FUT9: variants seen among roughly 807,000 people sequenced by gnomAD.
The protein encoded by FUT9 is fucosyltransferase 9.
Under a neutral mutation model 29.7 loss-of-function variants are expected in FUT9, and 15 were observed. That is an observed-to-expected ratio of 0.51 (90% confidence interval 0.34 to 0.78). The LOEUF (loss-of-function observed/expected upper bound fraction) is 0.78, where lower values mean the gene tolerates loss of function less well. FUT9 is among the 30% of genes least tolerant of loss of function. The pLI is 0.01. For missense variants in FUT9, 319 were observed against 425.4 expected (o/e 0.75, Z 2.20); for synonymous variants, 169 against 153.7 (o/e 1.10, Z -0.74).
chr6:96,205,177 T>G lies in FUT9; in HGVS notation c.*942T>G, dbSNP rs79306788. 6.0e-6 allele frequency: 1 copy of G among 167,032 alleles called. No individual in the cohort carries two copies. Among genetic ancestry groups the G allele is most frequent in the Admixed American group, 6.5e-5 (1 of 15,278 alleles). 10.3% of individuals were successfully genotyped at this position (167,032 alleles called of 1,614,324 possible). A position where few individuals can be genotyped will look rare whatever the true frequency, so the allele number is the denominator to read the frequency against. On this transcript the variant is annotated 3_prime_UTR_variant, in exon 3 of 3. Coordinates refer to ENST00000302103, the MANE Select transcript of FUT9 (RefSeq NM_006581.4). The stretch of plus-strand genomic sequence containing the variant: ...TTTAAAATGGTCTTATTTTACCATA[T>G]GGATATAAGATTTGGCTCATAATGA...
chr6:96,045,337 A>G (rs1770543979), intron 1 of FUT9, among the ~76,000 whole-genome samples: 1 of 152,206 alleles, frequency 6.6e-6, no homozygotes, highest in African/African-American at 2.4e-5. Flanking sequence ...GTATAAGGGA[A>G]TAAGAGAAAC....
intron 2 of FUT9, among the ~76,000 whole-genome samples, chr6:96,128,818 G>A (rs1772179254): frequency 6.6e-6 from 1 of 151,866 alleles, no homozygotes; most frequent in South Asian, 2.1e-4. Context: ...AATATATAAA[G>A]ACAGATTAAA....
chr6:96,176,100 G>A (rs1008033213), intron 2 of FUT9, among the ~76,000 whole-genome samples: 4 of 152,168 alleles, frequency 2.6e-5, no homozygotes, highest in African/African-American at 9.7e-5. Flanking sequence ...TCCAGGGCTT[G>A]CGCCCCTTCC....
intron 1 of FUT9, among the ~76,000 whole-genome samples, chr6:96,101,391 T>A (rs1392452991): frequency 1.3e-5 from 2 of 151,674 alleles, no homozygotes; most frequent in Non-Finnish European, 2.9e-5. Flanking sequence ...ATACAAAAAC[T>A]TAGCCAGATG....
chr6:96,037,955 AC>A (rs942371843), intron 1 of FUT9, among the ~76,000 whole-genome samples: 2 of 151,794 alleles, frequency 1.3e-5, no homozygotes, highest in African/African-American at 4.8e-5. Flanking sequence ...AAGTTTCCAG[AC>A]AAGTGAGCTA....
chr6:96,050,752 A>T (rs945973358), intron 1 of FUT9, among the ~76,000 whole-genome samples: 1 of 152,216 alleles, frequency 6.6e-6, no homozygotes, highest in Non-Finnish European at 1.5e-5. Context: ...GCTTAGAAAG[A>T]TTACCTCAGA....
At position 96,103,759 on chromosome 6, in the gene FUT9, C is replaced by A. The variant is rs557201678; in HGVS notation, c.-97-10280C>A. Among the ~76,000 whole-genome samples, 3 of 152,216 alleles carry A rather than the reference C, an allele frequency of 2.0e-5. No homozygotes were observed. In the East Asian group the frequency reaches 5.8e-4, roughly 29 times the overall value. ...CAGTGTGATTTTCATCTTTTTCTTT[C>A]CATCTTTTCTTTATTGACGTATATT... On this transcript the variant is annotated intron_variant, in intron 1 of 2. Coordinates refer to ENST00000302103, the MANE Select transcript of FUT9 (RefSeq NM_006581.4).
intron 1 of FUT9, among the ~76,000 whole-genome samples, chr6:96,112,957 C>T (rs1771837500): frequency 6.6e-6 from 1 of 152,162 alleles, no homozygotes; most frequent in Non-Finnish European, 1.5e-5. Context: ...TGTTGGCTGA[C>T]ACACATCACC....
chr6:96,105,185 G>T (rs1290360701), intron 1 of FUT9, among the ~76,000 whole-genome samples: 1 of 152,224 alleles, frequency 6.6e-6, no homozygotes. Context: ...TTTGTATGCA[G>T]TGAGTCAGAG....
intron 1 of FUT9, among the ~76,000 whole-genome samples, chr6:96,047,734 G>T (rs1415112181): frequency 6.6e-6 from 1 of 152,042 alleles, no homozygotes. Context: ...ACAAACATAG[G>T]TAATATGTGA....
chr6:96,105,717 G>GT (rs1375179806), intron 1 of FUT9, among the ~76,000 whole-genome samples: 2 of 152,028 alleles, frequency 1.3e-5, no homozygotes, highest in African/African-American at 4.8e-5. Flanking sequence ...AGTTTCTATA[G>GT]TTTTTTTATT....
intron 2 of FUT9, among the ~76,000 whole-genome samples, chr6:96,166,640 T>C (rs1773020861): frequency 6.6e-6 from 1 of 152,188 alleles, no homozygotes; most frequent in Non-Finnish European, 1.5e-5. Context: ...GGACAAAATG[T>C]GATACTTATT....
At chr6:96,116,133 T>C (rs1027933134) in intron 2 of FUT9, among the ~76,000 whole-genome samples, 1 of 152,180 alleles carries the variant, frequency 6.6e-6, no homozygotes, top group African/African-American at 2.4e-5. Flanking sequence ...TGGTAAAATA[T>C]CTGAGCTTTA....
intron 2 of FUT9, among the ~76,000 whole-genome samples, chr6:96,180,901 T>G (rs1202927641): frequency 1.3e-5 from 2 of 148,808 alleles, no homozygotes; most frequent in African/African-American, 4.9e-5. Flanking sequence ...CTTGATGACT[T>G]AAGCAAATGC....
chr6:96,203,473 T>C lies in FUT9; in HGVS notation c.318T>C (p.Val106=). Reference sequence around the variant, plus strand: ...CACTGTACAACAAATCCCATGCAGTTCTGATCCATCACCGAGACATCAGTT... The same window carrying C: ...CACTGTACAACAAATCCCATGCAGTCCTGATCCATCACCGAGACATCAGTT... ...DRSLYNKSHA[V]LIHHRDISWD... The change falls in exon 3 of 3, where the codon GTT becomes GTC. Residue 106 remains valine (V), a synonymous_variant. Transcript: ENST00000302103. 1 of 1,610,038 alleles carries C rather than the reference T, an allele frequency of 6.2e-7. No homozygotes were observed. The highest frequency in any genetic ancestry group is 8.5e-7 in the Non-Finnish European group (1 of 1,177,856).
At chr6:96,097,511 GA>G (rs1400414437) in intron 1 of FUT9, among the ~76,000 whole-genome samples, 1 of 152,036 alleles carries the variant, frequency 6.6e-6, no homozygotes, top group Non-Finnish European at 1.5e-5. Flanking sequence ...ATGAATTCAT[GA>G]GTAAAATGTA....
intron 2 of FUT9, among the ~76,000 whole-genome samples, chr6:96,192,064 G>T (rs1316227573): frequency 2.0e-5 from 3 of 152,068 alleles, no homozygotes; most frequent in Non-Finnish European, 4.4e-5. Context: ...AAAATAATAA[G>T]AGCTATTTAT....
At chr6:96,146,335 T>C (rs183693385) in intron 2 of FUT9, among the ~76,000 whole-genome samples, 59 of 152,320 alleles carry the variant, frequency 3.9e-4, no homozygotes, top group African/African-American at 1.3e-3. Flanking sequence ...CTATCTACTT[T>C]ATAATTTAGT....
chr6:96,028,290 A>C, intron 1 of FUT9, among the ~76,000 whole-genome samples: 1 of 151,788 alleles, frequency 6.6e-6, no homozygotes, highest in East Asian at 1.9e-4. Context: ...ACCAGATATA[A>C]CTGGGTTCAA....
Sources: allele counts gnomAD v4.1 joint callset (sites outside exome capture counted in the v4.1 genomes callset), GRCh38; gene constraint gnomAD v4.1.1; transcripts MANE v1.5; gene names NCBI Gene and HGNC (gene_info 2026-07-23, HGNC 2026-07-21).